GRIK4: variants seen among roughly 807,000 people sequenced by gnomAD.
GRIK4 encodes glutamate ionotropic receptor kainate type subunit 4.
A neutral mutation model predicts 104.9 loss-of-function variants in GRIK4; 40 were observed. That is an observed-to-expected ratio of 0.38 (90% CI 0.30 to 0.50). The LOEUF (loss-of-function observed/expected upper bound fraction) is 0.50. GRIK4 is among the 20% of genes least tolerant of loss of function. The probability of loss-of-function intolerance (pLI) is 0.93; values close to 1 mark genes in which losing one functional copy is unlikely to be tolerated. For missense variants in GRIK4, 1,047 were observed against 1,308.1 expected (o/e 0.80, Z 3.08); for synonymous variants, 485 against 524.9 (o/e 0.92, Z 1.04).
chr11:120,876,365 TAC>T (rs1954813005), intron 11 of GRIK4, among the ~76,000 whole-genome samples: 1 of 3,522 alleles, frequency 2.8e-4, no homozygotes, highest in Non-Finnish European at 5.4e-4. Context: ...CCCTCATCAC[TAC>T]CACTACCATC....
chr11:120,842,363 G>A (rs533026095), intron 8 of GRIK4, among the ~76,000 whole-genome samples: 6 of 152,286 alleles, frequency 3.9e-5, no homozygotes, highest in East Asian at 1.9e-4. Flanking sequence ...GAAGTGACAC[G>A]TATTATTTCA....
At chr11:120,985,443 TAAGGAACA>T (rs897661445) in intron 20 of GRIK4, among the ~76,000 whole-genome samples, 1 of 152,168 alleles carries the variant, frequency 6.6e-6, no homozygotes, top group African/African-American at 2.4e-5. Context: ...ATCCTTAGCC[TAAGGAACA>T]GAATGTTCAT....
At chr11:120,657,767 G>A (rs190756099) in intron 2 of GRIK4, among the ~76,000 whole-genome samples, 8 of 152,344 alleles carry the variant, frequency 5.3e-5, no homozygotes, top group Admixed American at 2.0e-4. Flanking sequence ...AAGGCTCTGC[G>A]TGTGGATGAA....
intron 9 of GRIK4, chr11:120,868,409 G>C (rs1412974670): frequency 6.6e-6 from 1 of 151,998 alleles, no homozygotes; most frequent in South Asian, 2.1e-4. Context: ...ATTTAGAAGA[G>C]ACAGGGACAG....
chr11:120,836,265 AG>A (rs1040187087), intron 7 of GRIK4, among the ~76,000 whole-genome samples: 1 of 152,162 alleles, frequency 6.6e-6, no homozygotes, highest in Non-Finnish European at 1.5e-5. Context: ...ATCTTGTGCA[AG>A]TCACTTAGCC....
In GRIK4 at chr11:120,558,577, G is replaced by C. The variant is rs141302839; in HGVS notation, c.-159+46690G>C. ...AACTCCAGCCTGGGCGACAGAGCGA[G>C]ACTCCGTCTCAAAAACCAAACCAAA... On this transcript the variant is annotated intron_variant, in intron 1 of 20. Coordinates refer to ENST00000527524, the MANE Select transcript of GRIK4 (RefSeq NM_014619.5). 6.9e-3 allele frequency among the ~76,000 whole-genome samples: 1,045 copies of C among 152,306 alleles called. 9 individuals carry two copies. The highest frequency in any genetic ancestry group is 0.024 in the African/African-American group (996 of 41,556).
intron 1 of GRIK4, among the ~76,000 whole-genome samples, chr11:120,560,945 C>T (rs562084169): frequency 3.3e-5 from 5 of 152,322 alleles, no homozygotes; most frequent in Middle Eastern, 3.4e-3. Flanking sequence ...CCCCCTTCCA[C>T]GCCTCTGGGA....
intron 9 of GRIK4, 31 bp from the exon 10 acceptor site, chr11:120,874,035 C>T (rs954611344): frequency 6.3e-7 from 1 of 1,584,404 alleles, no homozygotes; most frequent in Non-Finnish European, 8.6e-7. Context: ...CTCTCACTCC[C>T]TCCCTCCGCC....
At chr11:120,638,547 G>A (rs180768054) in intron 1 of GRIK4, among the ~76,000 whole-genome samples, 40 of 151,316 alleles carry the variant, frequency 2.6e-4, no homozygotes, top group African/African-American at 8.0e-4. Flanking sequence ...GCATGATCTC[G>A]GCTCACTGCA....
intron 3 of GRIK4, among the ~76,000 whole-genome samples, chr11:120,791,179 G>C (rs546862821): frequency 9.9e-5 from 15 of 152,232 alleles, no homozygotes; most frequent in South Asian, 2.1e-4. Context: ...CTTACATAGT[G>C]TCTAGCATTA....
At chr11:120,833,246 T>C (rs1953481052) in intron 7 of GRIK4, among the ~76,000 whole-genome samples, 1 of 151,688 alleles carries the variant, frequency 6.6e-6, no homozygotes. Context: ...TATACCCAAC[T>C]CACATTATCT....
chr11:120,922,847 C>T (rs1408605057), intron 13 of GRIK4, among the ~76,000 whole-genome samples: 1 of 152,220 alleles, frequency 6.6e-6, no homozygotes, highest in Non-Finnish European at 1.5e-5. Context: ...GATAGGCTGC[C>T]TCGCTTGATG....
intron 13 of GRIK4, among the ~76,000 whole-genome samples, chr11:120,910,261 G>A (rs557518951): frequency 2.6e-5 from 4 of 152,214 alleles, no homozygotes; most frequent in African/African-American, 4.8e-5. Context: ...TTAGACACAC[G>A]GCCGTGTATT....
chr11:120,928,213 T>TA (rs5795252), intron 13 of GRIK4, among the ~76,000 whole-genome samples: 7,697 of 126,294 alleles, frequency 0.061, 652 homozygotes, highest in African/African-American at 0.19. Context: ...GACTCCGTCT[T>TA]AAAAAAAAAA....
intron 1 of GRIK4, among the ~76,000 whole-genome samples, chr11:120,607,107 A>T (rs979020862): frequency 6.6e-6 from 1 of 152,176 alleles, no homozygotes; most frequent in African/African-American, 2.4e-5. Context: ...AGAGGCAAGG[A>T]TGCCAGTTGG....
rs558673181 is a variant in GRIK4 at position 120,986,000 on chromosome 11, C to T, written c.2611C>T (p.Pro871Ser). 1.3e-6 allele frequency: 2 copies of T among 1,530,344 alleles called. No homozygotes were observed. Among genetic ancestry groups the T allele is most frequent in the East Asian group, 2.6e-5 (1 of 38,624 alleles). The allele number at this position is 1,530,344 out of a possible 1,614,324, so 94.8% of individuals were successfully genotyped here. A position where few individuals can be genotyped will look rare whatever the true frequency, so the allele number is the denominator to read the frequency against. The change falls in exon 21 of 21, where the codon CCC (proline) becomes TCC (serine). Residue 871 changes from proline (P) to serine (S), a missense_variant. Pro to Ser is a moderately conservative substitution (Grantham distance 74, BLOSUM62 -1). This residue lies in a region of GRIK4 where 160 missense variants were observed against 140.9 expected (regional missense o/e 1.14). Transcript: ENST00000527524. ...CCGGCGGCGCGCCGCAGTCCCGCCG[C>T]CCCGGCCCCCCATCCCCGAGGAGCG... ...PRRRRAAVPPPRPPIPEERRP... is the reference protein window; with the variant it reads ...PRRRRAAVPPSRPPIPEERRP...
intron 8 of GRIK4, among the ~76,000 whole-genome samples, chr11:120,839,704 T>C (rs1290122003): frequency 2.6e-5 from 4 of 152,222 alleles, no homozygotes; most frequent in African/African-American, 9.6e-5. Context: ...CTGACCATTG[T>C]AGGGTTTATT....
intron 3 of GRIK4, among the ~76,000 whole-genome samples, chr11:120,722,560 A>G (rs1950952904): frequency 6.6e-6 from 1 of 151,856 alleles, no homozygotes. Context: ...GTGAGCTGAG[A>G]TCGTGCCATT....
intron 3 of GRIK4, among the ~76,000 whole-genome samples, chr11:120,764,073 G>T (rs1951793229): frequency 6.6e-6 from 1 of 152,164 alleles, no homozygotes; most frequent in African/African-American, 2.4e-5. Context: ...TATTGTATGG[G>T]AGTCTAAGTC....
Sources: allele counts gnomAD v4.1 joint callset (sites outside exome capture counted in the v4.1 genomes callset), GRCh38; gene constraint gnomAD v4.1.1; regional missense constraint gnomAD v4.1.1; transcripts MANE v1.5; gene names NCBI Gene and HGNC (gene_info 2026-07-23, HGNC 2026-07-21).